KLHL17: variants seen among roughly 807,000 people sequenced by gnomAD.
The protein encoded by KLHL17 is kelch like family member 17, also known as kelch-like protein 17.
Under a neutral mutation model 64.6 loss-of-function variants are expected in KLHL17, and 71 were observed. The ratio of observed to expected loss-of-function variants is 1.10; its 90% CI spans 0.91 to 1.34. The LOEUF (loss-of-function observed/expected upper bound fraction) is 1.34. KLHL17 is among the 40% of genes most tolerant of loss of function. KLHL17 has a pLI of 0.00. For missense variants in KLHL17, 1,140 were observed against 935.0 expected (o/e 1.22, Z -2.86); for synonymous variants, 612 against 405.4 (o/e 1.51, Z -6.12).
intron 1 of KLHL17, 150 bp downstream of exon 1, chr1:960,950 T>C: frequency 6.1e-6 from 3 of 492,748 alleles, no homozygotes; most frequent in Non-Finnish European, 7.9e-6. Flanking sequence ...CCGGAGTAGG[T>C]TCCCCACCCG....
chr1:963,589 A>G, intron 8 of KLHL17, 85 bp downstream of exon 8: 1 of 1,441,678 alleles, frequency 6.9e-7, no homozygotes, highest in Non-Finnish European at 9.3e-7. Context: ...GTCGTATCTG[A>G]TGGGGTGTTA....
chr1:964,931 G>A, intron 11 of KLHL17, 32 bp from the exon 12 acceptor site: 1 of 1,508,746 alleles, frequency 6.6e-7, no homozygotes, highest in Non-Finnish European at 9.1e-7. Context: ...ATCCCTTCCT[G>A]CAGCCAGGGG....
chr1:962,160 C>T (rs1197516687), intron 4 of KLHL17, 113 bp downstream of exon 4: 2 of 1,256,440 alleles, frequency 1.6e-6, no homozygotes, highest in Non-Finnish European at 2.2e-6. Flanking sequence ...ATCCTTAGTG[C>T]CTGCTGTGTG....
chr1:960,833 GCCTCGGGACCTGCGCGGCCCCCGC>G (rs1004261159), intron 1 of KLHL17, 33 bp downstream of exon 1: 2 of 988,942 alleles, frequency 2.0e-6, no homozygotes, highest in Non-Finnish European at 2.4e-6. Flanking sequence ...GCGGGGGGCG[GCCTCGGGACCTGCGCGGCCCCCGC>G]CCTCGCGTCC....
chr1:962,423 G>T lies in KLHL17; in HGVS notation c.780G>T (p.Leu260=). Residue 260 remains leucine (L), a synonymous_variant, in exon 5 of 12, where the codon CTG becomes CTT. Transcript: ENST00000338591. ...AGGAGGAGGTCTACCGAGCCGTCCT[G>T]AGCTGGGTGAAACACGACGTGGACG... ...PSEEEVYRAV[L]SWVKHDVDAR... The T allele has an allele frequency of 6.2e-7, 1 of 1,612,740 alleles. No homozygotes were observed. The highest frequency in any genetic ancestry group is 1.1e-5 in the South Asian group (1 of 91,068).
At position 962,889 on chromosome 1, in the gene KLHL17, G is replaced by A. The variant is rs780360560; in HGVS notation, c.1014G>A (p.Glu338=). 3 of 1,570,154 alleles carry A rather than the reference G, an allele frequency of 1.9e-6. No homozygotes were observed. The highest frequency in any genetic ancestry group is 2.6e-6 in the Non-Finnish European group (3 of 1,162,810). ...GTSRTRPRRC[E]GAGPVLFAVG... ...GCCGCACACGTCCCCGGCGCTGCGA[G>A]GGGGCCGGGCCTGTGCTTTTTGCTG... is the stretch of plus-strand genomic sequence containing the variant. The change falls in exon 6 of 12, where the codon GAG becomes GAA. Residue 338 remains glutamate (E), a synonymous_variant. Coordinates refer to ENST00000338591, the MANE Select transcript of KLHL17 (RefSeq NM_198317.3).
chr1:962,259 C>A (rs773462286), intron 4 of KLHL17, 96 bp from the exon 5 acceptor site: 33 of 1,586,504 alleles, frequency 2.1e-5, no homozygotes, highest in African/African-American at 2.7e-5. Flanking sequence ...GAACACTCAG[C>A]CCCCACCTGC....
Position 960,597 on chromosome 1 carries a change from A to ACAGAGCG in KLHL17, c.-96_-90dup, listed in dbSNP as rs1642592239. ...GGCGGGAGCGGCGGGAGTGAGCGAC[A>ACAGAGCG]CAGAGCGGGCCGCCACCGCCGAGCA... On this transcript the variant is annotated 5_prime_UTR_variant, in exon 1 of 12. Transcript: ENST00000338591. 9.1e-7 allele frequency: 1 copy of ACAGAGCG among 1,098,274 alleles called. No individual in the cohort carries two copies. Among genetic ancestry groups the ACAGAGCG allele is most frequent in the African/African-American group, 1.7e-5 (1 of 58,464 alleles). 68.0% of individuals were successfully genotyped at this position (1,098,274 alleles called of 1,614,324 possible).
In KLHL17 at chr1:964,158, C is replaced by G; in HGVS notation, c.1496C>G (p.Thr499Ser). Residue 499 changes from threonine (T) to serine (S), a missense_variant, in exon 10 of 12, where the codon ACT (threonine) becomes AGT (serine). Transcript: ENST00000338591. Reference sequence around the variant, plus strand: ...TACGACAGCTCCTCACACCTGGCCACTGTGGAGAAGTATGAGCCCCAGGTG... The same window carrying G: ...TACGACAGCTCCTCACACCTGGCCAGTGTGGAGAAGTATGAGCCCCAGGTG... ...GGYDSSSHLA[T>S]VEKYEPQVNV... 1 of 1,612,724 alleles carries G rather than the reference C, an allele frequency of 6.2e-7. No homozygotes were observed.
rs1322666913 is a variant in KLHL17, at chr1:960,714, C to T, written c.21C>T (p.Arg7=). Residue 7 remains arginine, a synonymous_variant, in exon 1 of 12, where the codon CGC becomes CGT. Transcript: ENST00000338591. MQPRSE[R]PAGRTQSPEH... Reference sequence around the variant, plus strand: ...GCCGAATGCAGCCCCGCAGCGAGCGCCCGGCCGGCAGGACGCAGAGCCCGG... The same window carrying T: ...GCCGAATGCAGCCCCGCAGCGAGCGTCCGGCCGGCAGGACGCAGAGCCCGG... 5 of 1,351,176 alleles carry T rather than the reference C, an allele frequency of 3.7e-6. No individual in the cohort carries two copies. The East Asian group carries it at 1.7e-4, about 46-fold the overall frequency. 83.7% of individuals were successfully genotyped at this position (1,351,176 alleles called of 1,614,324 possible).
intron 4 of KLHL17, 23 bp from the exon 5 acceptor site, chr1:962,332 G>T (rs754243035): frequency 6.2e-7 from 1 of 1,612,088 alleles, no homozygotes; most frequent in Non-Finnish European, 8.5e-7. Context: ...CCAGATCTCA[G>T]GTCTGAGGAC....
chr1:961,633 G>T lies in KLHL17; in HGVS notation c.372G>T (p.Glu124Asp). Residue 124 changes from glutamate (E) to aspartate (D), a missense_variant, in exon 3 of 12, where the codon GAG becomes GAT. Coordinates refer to ENST00000338591, the MANE Select transcript of KLHL17 (RefSeq NM_198317.3). ...SPYFHAMFTN[E>D]MSESRQTHVT... ...TGTAACCCGCTGTCCCCGCAGATGA[G>T]ATGAGCGAGAGCCGCCAGACCCACG... is the stretch of plus-strand genomic sequence containing the variant. The T allele has an allele frequency of 6.2e-7, 1 of 1,612,794 alleles. No individual in the cohort carries two copies. Among genetic ancestry groups the T allele is most frequent in the Non-Finnish European group, 8.5e-7 (1 of 1,179,924 alleles).
chr1:964,280 G>A (rs1244887995), intron 10 of KLHL17, 69 bp from the exon 11 acceptor site: 7 of 1,588,660 alleles, frequency 4.4e-6, no homozygotes, highest in Middle Eastern at 1.9e-4. Flanking sequence ...CCCCACCCTG[G>A]AGTCGGGGCT....
chr1:960,826 G>A lies in KLHL17; in HGVS notation c.107+26G>A, dbSNP rs1052275428. ...GTGAGTGGGCGGGGGTCGGGGCGCG[G>A]GGGGCGGCCTCGGGACCTGCGCGGC... On this transcript the variant is annotated intron_variant, in intron 1 of 11. Coordinates refer to ENST00000338591, the MANE Select transcript of KLHL17 (RefSeq NM_198317.3). 43 of 993,812 alleles carry A rather than the reference G, an allele frequency of 4.3e-5. No homozygotes were observed. In the African/African-American group the frequency reaches 6.5e-4, roughly 15 times the overall value. The allele number at this position is 993,812 out of a possible 1,614,324, so 61.6% of individuals were successfully genotyped here.
rs1244792317 is a variant in KLHL17, at chr1:961,566, T to TG, written c.367+17dup. 3.7e-6 allele frequency: 6 copies of TG among 1,612,516 alleles called. No homozygotes were observed. The highest frequency in any genetic ancestry group is 5.1e-6 in the Non-Finnish European group (6 of 1,179,952). On this transcript the variant is annotated intron_variant, in intron 2 of 11. Coordinates refer to ENST00000338591, the MANE Select transcript of KLHL17 (RefSeq NM_198317.3). Reference sequence around the variant, plus strand: ...CCATGTTCACAAGCAAGTACCCGCCTGGGCGGCGCTGGGGGCTCCGTGGGT... The same window carrying TG: ...CCATGTTCACAAGCAAGTACCCGCCTGGGGCGGCGCTGGGGGCTCCGTGGGT...
chr1:963,645 C>T, intron 8 of KLHL17, 141 bp downstream of exon 8: 2 of 1,032,888 alleles, frequency 1.9e-6, no homozygotes, highest in Non-Finnish European at 2.7e-6. Context: ...CACTGCCACA[C>T]TGGGCCTGAA....
In KLHL17 at chr1:960,683, C is replaced by G. The variant is rs1642596099; in HGVS notation, c.-11C>G. On this transcript the variant is annotated 5_prime_UTR_variant, in exon 1 of 12. Transcript: ENST00000338591. ...GGTCCTCCGCGAATCGGCGGTGGGT[C>G]CGGCAGCCGAATGCAGCCCCGCAGC... 6 of 1,376,102 alleles carry G rather than the reference C, an allele frequency of 4.4e-6. No homozygotes were observed. Among genetic ancestry groups the G allele is most frequent in the Non-Finnish European group, 4.7e-6 (5 of 1,058,506 alleles). 85.2% of individuals were successfully genotyped at this position (1,376,102 alleles called of 1,614,324 possible). A position where few individuals can be genotyped will look rare whatever the true frequency, so the allele number is the denominator to read the frequency against.
Position 963,202 on chromosome 1 carries a change from G to T in KLHL17, c.1136G>T (p.Arg379Leu). The T allele has an allele frequency of 6.2e-7, 1 of 1,607,878 alleles. No individual in the cohort carries two copies. Among genetic ancestry groups the T allele is most frequent in the Non-Finnish European group, 8.5e-7 (1 of 1,176,506 alleles). The change falls in exon 7 of 12, where the codon CGG becomes CTG. Residue 379 changes from arginine to leucine, a missense_variant. Arg to Leu is a moderately radical substitution (Grantham distance 102, BLOSUM62 -2). Transcript: ENST00000338591. Reference protein sequence around the residue: ...WHVVASMSTRRARVGVAAVGN... With the variant: ...WHVVASMSTRLARVGVAAVGN... ...GTGGTGGCCTCCATGTCCACGCGCC[G>T]GGCCCGGGTGGGAGTGGCTGCGGTG...
rs369251819 is a variant in KLHL17 at position 964,175 on chromosome 1, C to A, written c.1513C>A (p.Pro505Thr). 1.9e-6 allele frequency: 3 copies of A among 1,612,524 alleles called. No individual in the cohort carries two copies. The highest frequency in any genetic ancestry group is 2.5e-6 in the Non-Finnish European group (3 of 1,179,886). ...CCTGGCCACTGTGGAGAAGTATGAG[C>A]CCCAGGTGCATAGTGCACCCCTCCT... is the stretch of plus-strand genomic sequence containing the variant. ...SHLATVEKYE[P>T]QVNVWSPVAS... Residue 505 changes from proline (P) to threonine (T), a missense_variant, in exon 10 of 12, where the codon CCC (proline) becomes ACC (threonine). By Grantham distance (38) the Pro-to-Thr change is conservative. Transcript: ENST00000338591.
Sources: gnomAD v4.1 joint callset for allele counts on GRCh38, gnomAD v4.1.1 for gene constraint, MANE v1.5 for transcripts, NCBI Gene and HGNC (gene_info 2026-07-23, HGNC 2026-07-21) for gene names.